GTF2A1: variants seen among roughly 807,000 people sequenced by gnomAD.
The protein encoded by GTF2A1 is transcription initiation factor IIA subunit 1.
GTF2A1 carries 12 observed loss-of-function variants against 54.1 expected under a neutral mutation model. The observed-to-expected ratio is 0.22, with a 90% CI of 0.14 to 0.36. The LOEUF (loss-of-function observed/expected upper bound fraction) is 0.36. Ranked by LOEUF, GTF2A1 falls within the 10% of genes least tolerant of loss-of-function variation. The pLI, the probability that GTF2A1 is intolerant of heterozygous loss-of-function variation, is 1.00. For synonymous variants in GTF2A1, 145 were observed against 152.0 expected (o/e 0.95, Z 0.34); for missense variants, 335 against 442.2 (o/e 0.76, Z 2.17).
chr14:81,187,750 T>C (rs1892781734), intron 7 of GTF2A1, among the ~76,000 whole-genome samples: 1 of 152,244 alleles, frequency 6.6e-6, no homozygotes, highest in Non-Finnish European at 1.5e-5. Flanking sequence ...TTTGGGTTTA[T>C]ACCACTTGGA....
intron 2 of GTF2A1, among the ~76,000 whole-genome samples, chr14:81,209,400 C>A (rs1893312735): frequency 6.6e-6 from 1 of 152,198 alleles, no homozygotes; most frequent in African/African-American, 2.4e-5. Flanking sequence ...TCCAATTAAA[C>A]CTTTTTTTGT....
chr14:81,210,153 G>A (rs945753910), intron 2 of GTF2A1, among the ~76,000 whole-genome samples: 5 of 152,176 alleles, frequency 3.3e-5, no homozygotes, highest in African/African-American at 1.2e-4. Flanking sequence ...ACAGCTTTGG[G>A]AGAGGCGGGT....
At chr14:81,188,144 T>G (rs973275051) in intron 7 of GTF2A1, among the ~76,000 whole-genome samples, 1 of 152,238 alleles carries the variant, frequency 6.6e-6, no homozygotes, top group African/African-American at 2.4e-5. Flanking sequence ...AAATGTCTAT[T>G]CAAGTTCTTT....
At chr14:81,184,657 C>CTT (rs1892704450) in intron 8 of GTF2A1, among the ~76,000 whole-genome samples, 2 of 152,130 alleles carry the variant, frequency 1.3e-5, no homozygotes. Context: ...TTTTCTTCAT[C>CTT]TATAAAGGAA....
chr14:81,180,788 T>C (rs1012155960), intron 8 of GTF2A1, among the ~76,000 whole-genome samples: 2 of 152,234 alleles, frequency 1.3e-5, no homozygotes, highest in Admixed American at 6.5e-5. Flanking sequence ...CTTATCTCTC[T>C]ACCAGGTTTG....
intron 5 of GTF2A1, among the ~76,000 whole-genome samples, chr14:81,196,990 T>C (rs1396835331): frequency 6.6e-6 from 1 of 152,168 alleles, no homozygotes; most frequent in Non-Finnish European, 1.5e-5. Flanking sequence ...GAGCTAGACA[T>C]TGGTCTTTTG....
At chr14:81,216,574 C>A in intron 1 of GTF2A1, 60 bp from the exon 2 acceptor site, 1 of 719,120 alleles carries the variant, frequency 1.4e-6, no homozygotes, top group Non-Finnish European at 2.4e-6. Flanking sequence ...TAATGTATAA[C>A]AGGTTTTCAC....
At chr14:81,208,830 T>C (rs937980902) in intron 2 of GTF2A1, among the ~76,000 whole-genome samples, 4 of 152,330 alleles carry the variant, frequency 2.6e-5, no homozygotes, top group African/African-American at 4.8e-5. Flanking sequence ...TTCGGACTTA[T>C]ATGGGCCCTG....
At chr14:81,217,668 T>C (rs1477368903) in intron 1 of GTF2A1, among the ~76,000 whole-genome samples, 1 of 152,108 alleles carries the variant, frequency 6.6e-6, no homozygotes, top group East Asian at 1.9e-4. Flanking sequence ...GGCACGTGCC[T>C]GTAGTCCCAG....
At chr14:81,195,692 T>C (rs1238571804) in intron 6 of GTF2A1, among the ~76,000 whole-genome samples, 1 of 151,182 alleles carries the variant, frequency 6.6e-6, no homozygotes, top group African/African-American at 2.4e-5. Context: ...CTTGATACCT[T>C]GGGTATTAGA....
At chr14:81,185,672 T>A (rs374853316) in intron 7 of GTF2A1, 52 bp from the exon 8 acceptor site, 8 of 938,196 alleles carry the variant, frequency 8.5e-6, no homozygotes, top group Non-Finnish European at 1.3e-5. Context: ...TAATATTCAC[T>A]GAAAAAAAAA....
chr14:81,219,987 A>C lies in GTF2A1; in HGVS notation c.30+502T>G, dbSNP rs367888610. Among the ~76,000 whole-genome samples, 166 of 151,926 alleles carry C rather than the reference A, an allele frequency of 1.1e-3. 2 individuals carry two copies. Among genetic ancestry groups the C allele is most frequent in the Middle Eastern group, 0.01 (3 of 294 alleles). ...TTCCCAAAGCACAGCCGCCAAAAAC[A>C]ACCTAAGAAACCCCCAAAGTAACCA... On this transcript the variant is annotated intron_variant, in intron 1 of 8. Coordinates refer to ENST00000553612, the MANE Select transcript of GTF2A1 (RefSeq NM_015859.4).
chr14:81,192,579 A>C lies in GTF2A1; in HGVS notation c.873T>G (p.Tyr291Ter). The change falls in exon 7 of 9, where the codon TAT (tyrosine) becomes TAG (stop). Residue 291 changes from tyrosine to a stop codon, truncating the protein, a stop_gained. Coordinates refer to ENST00000553612, the MANE Select transcript of GTF2A1 (RefSeq NM_015859.4). LOFTEE classifies it high-confidence loss of function. ...SEEDEDEEED[Y>*]DDDEEEDKEK... ...CTTTGTCTTCCTCCTCATCATCATC[A>C]TAGTCTTCTTCTTCATCTTCATCTT... 1 of 1,613,418 alleles carries C rather than the reference A, an allele frequency of 6.2e-7. No individual in the cohort carries two copies. Among genetic ancestry groups the C allele is most frequent in the Non-Finnish European group, 8.5e-7 (1 of 1,179,358 alleles).
rs1036343173 is a variant in GTF2A1, at chr14:81,178,156, A to C, written c.*2067T>G. On this transcript the variant is annotated 3_prime_UTR_variant, in exon 9 of 9. Transcript: ENST00000553612. ...ACATAGAGGGCCCAAGACAAGCTGA[A>C]TATCATACAGTAATCCAAGTTTCAG... 2 of 152,148 alleles carry C rather than the reference A, an allele frequency of 1.3e-5. No individual in the cohort carries two copies. The highest frequency in any genetic ancestry group is 2.9e-5 in the Non-Finnish European group (2 of 67,992). 9.4% of individuals were successfully genotyped at this position (152,148 alleles called of 1,614,324 possible). A position where few individuals can be genotyped will look rare whatever the true frequency, so the allele number is the denominator to read the frequency against.
intron 2 of GTF2A1, among the ~76,000 whole-genome samples, chr14:81,206,952 G>A (rs564181121): frequency 2.0e-5 from 3 of 152,178 alleles, no homozygotes; most frequent in East Asian, 1.9e-4. Context: ...ATACACTGGC[G>A]CATGTATTTA....
intron 7 of GTF2A1, among the ~76,000 whole-genome samples, chr14:81,189,968 A>G (rs901720167): frequency 6.7e-6 from 1 of 149,910 alleles, no homozygotes; most frequent in Non-Finnish European, 1.5e-5. Context: ...CTTTGAAAAC[A>G]TTAATAAAAT....
intron 8 of GTF2A1, among the ~76,000 whole-genome samples, chr14:81,185,199 G>C (rs1006645897): frequency 6.6e-6 from 1 of 152,102 alleles, no homozygotes; most frequent in Non-Finnish European, 1.5e-5. Flanking sequence ...ATAGAAAACA[G>C]AATTATCTCA....
intron 7 of GTF2A1, among the ~76,000 whole-genome samples, chr14:81,188,918 C>T (rs1892810274): frequency 6.6e-6 from 1 of 152,186 alleles, no homozygotes; most frequent in African/African-American, 2.4e-5. Context: ...AGGGGTCCAA[C>T]TTAACTCTTT....
intron 7 of GTF2A1, among the ~76,000 whole-genome samples, chr14:81,187,227 T>C (rs1445631828): frequency 2.0e-5 from 3 of 151,496 alleles, no homozygotes; most frequent in Non-Finnish European, 4.4e-5. Context: ...TGGTGGCAGG[T>C]GCCTGTAGTC....
Sources: gnomAD v4.1 joint callset for allele counts (sites outside exome capture counted in the v4.1 genomes callset) on GRCh38, gnomAD v4.1.1 for gene constraint, MANE v1.5 for transcripts, NCBI Gene and HGNC (gene_info 2026-07-23, HGNC 2026-07-21) for gene names.